NINJ2: variants seen among roughly 807,000 people sequenced by gnomAD.
NINJ2 encodes ninjurin 2.
NINJ2 carries 12 observed loss-of-function variants against 11.7 expected under a neutral mutation model. The observed-to-expected ratio is 1.02, with a 90% CI of 0.66 to 1.66. The LOEUF is 1.66. Ranked by LOEUF, NINJ2 falls within the 40% of genes most tolerant of loss-of-function variation. The pLI is 0.00. For missense variants in NINJ2, 187 were observed against 181.8 expected, an observed-to-expected ratio of 1.03 and a Z score of -0.16; for synonymous variants, 93 against 76.8, an observed-to-expected ratio of 1.21 and a Z score of -1.10.
At chr12:629,896 A>AAAAAAAAAAAAAATATATATATAT in intron 1 of NINJ2, among the ~76,000 whole-genome samples, 2 of 9,904 alleles carry the variant, frequency 2.0e-4, no homozygotes, top group Non-Finnish European at 9.4e-4. Context: ...AAAAAAAAAA[A>AAAAAAAAAAAAAATATATATATAT]ATATATATAT....
At chr12:575,483 G>A (rs1182117904) in intron 1 of NINJ2, among the ~76,000 whole-genome samples, 2 of 152,196 alleles carry the variant, frequency 1.3e-5, no homozygotes, top group South Asian at 4.1e-4. Flanking sequence ...TCCCCCCAGG[G>A]AGAGCCTCCC....
chr12:576,539 G>C (rs1234289031), intron 1 of NINJ2, among the ~76,000 whole-genome samples: 4 of 152,244 alleles, frequency 2.6e-5, no homozygotes, highest in African/African-American at 7.2e-5. Context: ...CTGTCGCCCA[G>C]GCTGCGGGGT....
chr12:610,386 CTGAA>C (rs1432580411), intron 1 of NINJ2: 1 of 1,535,458 alleles, frequency 6.5e-7, no homozygotes, highest in African/African-American at 1.4e-5. Context: ...TGACTTGGAA[CTGAA>C]GCCTCTTGCC....
Position 591,240 on chromosome 12 carries a change from GT to G in NINJ2, c.34-25063del, listed in dbSNP as rs1363138913. The G allele has an allele frequency of 6.6e-6, 1 of 152,330 alleles. No individual in the cohort carries two copies. Among genetic ancestry groups the G allele is most frequent in the Non-Finnish European group, 1.5e-5 (1 of 68,114 alleles). 9.4% of individuals were successfully genotyped at this position (152,330 alleles called of 1,614,324 possible). A position where few individuals can be genotyped will look rare whatever the true frequency, so the allele number is the denominator to read the frequency against. The stretch of plus-strand genomic sequence containing the variant: ...TCTGTGTGAACCAACCATCAGGGCA[GT>G]TTAGGTACTGCAGGGTGTTGGGGCC... On this transcript the variant is annotated intron_variant, in intron 1 of 3. Transcript: ENST00000305108. This position sits in a 1 kb window ranked among gnomAD's most constrained non-coding sequence, Gnocchi z 5.0.
At chr12:649,325 A>G (rs944294552) in intron 1 of NINJ2, among the ~76,000 whole-genome samples, 1 of 151,932 alleles carries the variant, frequency 6.6e-6, no homozygotes, top group African/African-American at 2.4e-5. Flanking sequence ...GGGATTACAG[A>G]TATGAGCCAC....
intron 1 of NINJ2, among the ~76,000 whole-genome samples, chr12:629,896 A>AAATATATAT: frequency 1.9e-3 from 19 of 9,898 alleles, no homozygotes; most frequent in African/African-American, 2.8e-3. Context: ...AAAAAAAAAA[A>AAATATATAT]ATATATATAT....
At chr12:568,881 C>T (rs970748266) in intron 1 of NINJ2, among the ~76,000 whole-genome samples, 1 of 117,294 alleles carries the variant, frequency 8.5e-6, no homozygotes, top group Non-Finnish European at 1.7e-5. Context: ...AGGACACCCC[C>T]CCCCCCCCGC....
At chr12:621,831 A>G (rs559574995) in intron 1 of NINJ2, among the ~76,000 whole-genome samples, 4 of 150,674 alleles carry the variant, frequency 2.7e-5, no homozygotes, top group South Asian at 2.1e-4. Context: ...AAAAAAAAAA[A>G]AGAGAGAGAA....
chr12:634,395 G>A (rs941601297), intron 1 of NINJ2, among the ~76,000 whole-genome samples: 2 of 150,408 alleles, frequency 1.3e-5, no homozygotes, highest in Non-Finnish European at 3.0e-5. Flanking sequence ...TAGTAGCTGG[G>A]ATTACTGGCG....
At chr12:622,232 ACC>A (rs939758846) in intron 1 of NINJ2, among the ~76,000 whole-genome samples, 3 of 151,402 alleles carry the variant, frequency 2.0e-5, no homozygotes, top group African/African-American at 4.9e-5. Context: ...CCACGGTGAA[ACC>A]CCGTCTCTAC....
intron 1 of NINJ2, among the ~76,000 whole-genome samples, chr12:625,733 T>C (rs1948204611): frequency 1.3e-5 from 2 of 152,196 alleles, no homozygotes; most frequent in South Asian, 2.1e-4. Context: ...TGGTCCACCA[T>C]GTGGAATAAT....
At chr12:643,652 G>A (rs1937629655) in intron 1 of NINJ2, 2 of 988,042 alleles carry the variant, frequency 2.0e-6, no homozygotes, top group South Asian at 4.7e-5. Flanking sequence ...CAAAGCCAAC[G>A]TTTTGTTCTT....
intron 1 of NINJ2, among the ~76,000 whole-genome samples, chr12:574,573 C>T (rs77198914): frequency 0.022 from 3,351 of 152,136 alleles, 77 homozygotes; most frequent in East Asian, 0.11. Flanking sequence ...GGCTCCCTTC[C>T]TCTCTCTTGG....
intron 1 of NINJ2, chr12:610,729 C>A: frequency 3.8e-4 from 78 of 206,232 alleles, no homozygotes; most frequent in Non-Finnish European, 4.9e-4. Context: ...GAAATCTATT[C>A]TTTTTTTTTT....
Position 566,071 on chromosome 12 carries a change from G to A in NINJ2, c.141C>T (p.Ala47=). The A allele has an allele frequency of 6.2e-7, 1 of 1,614,214 alleles. No individual in the cohort carries two copies. Among genetic ancestry groups the A allele is most frequent in the Non-Finnish European group, 8.5e-7 (1 of 1,180,036 alleles). ...MLDVALFMSN[A]MRLKAVLEQG... is the part of the protein sequence containing the mutation. ...GCTCCAGCACCGCCTTCAGCCGCAT[G>A]GCGTTGGACATGAACAGGGCCACGT... Residue 47 remains alanine (A), a synonymous_variant, in exon 2 of 4, where the codon GCC becomes GCT. Coordinates refer to ENST00000305108, the MANE Select transcript of NINJ2 (RefSeq NM_016533.6).
In NINJ2 at chr12:568,604, A is replaced by T. The variant is rs568347250; in HGVS notation, c.34-2426T>A. ...TGGACCAGTCATTGGAGGATCAAACATATAGGAGTGGCTCTTTCACTCTGA... is the reference window on the plus strand; with the variant it reads ...TGGACCAGTCATTGGAGGATCAAACTTATAGGAGTGGCTCTTTCACTCTGA... On this transcript the variant is annotated intron_variant, in intron 1 of 3. Coordinates refer to ENST00000305108, the MANE Select transcript of NINJ2 (RefSeq NM_016533.6). Among the ~76,000 whole-genome samples the T allele has an allele frequency of 2.6e-5, 4 of 152,330 alleles. No homozygotes were observed. The South Asian group carries it at 8.3e-4, about 32-fold the overall frequency.
chr12:598,675 T>C (rs777005762), intron 1 of NINJ2, among the ~76,000 whole-genome samples: 3 of 152,240 alleles, frequency 2.0e-5, no homozygotes, highest in African/African-American at 7.2e-5. Flanking sequence ...TTAATCCTGT[T>C]TAATATTATT....
intron 1 of NINJ2, among the ~76,000 whole-genome samples, chr12:660,851 C>T (rs1031646732): frequency 3.3e-5 from 5 of 152,098 alleles, no homozygotes; most frequent in Non-Finnish European, 7.4e-5. Flanking sequence ...ATCCCAGCTA[C>T]TTGGGAAGCT....
At chr12:651,536 T>C (rs1937785600) in intron 1 of NINJ2, among the ~76,000 whole-genome samples, 1 of 152,200 alleles carries the variant, frequency 6.6e-6, no homozygotes, top group South Asian at 2.1e-4. Context: ...CCTTTTGCCT[T>C]ATACATACCT....
Sources: allele counts gnomAD v4.1 joint callset (sites outside exome capture counted in the v4.1 genomes callset), GRCh38; gene constraint gnomAD v4.1.1; non-coding constraint Gnocchi (gnomAD v3.1); transcripts MANE v1.5; gene names NCBI Gene and HGNC (gene_info 2026-07-23, HGNC 2026-07-21).